Variants in DNMT3B observed in about 807,000 individuals in gnomAD.
DNMT3B encodes the protein DNA methyltransferase 3 beta, also known as DNA (cytosine-5)-methyltransferase 3B.
A neutral mutation model predicts 120.2 loss-of-function variants in DNMT3B; 37 were observed. The observed-to-expected ratio is 0.31, with a 90% CI of 0.24 to 0.40. The LOEUF (loss-of-function observed/expected upper bound fraction) is 0.40, where lower values mean the gene tolerates loss of function less well. Ranked by LOEUF, DNMT3B falls within the 10% of genes least tolerant of loss-of-function variation. The pLI is 1.00. For synonymous variants in DNMT3B, 412 were observed against 442.8 expected, an observed-to-expected ratio of 0.93 and a Z score of 0.87; for missense variants, 878 against 1,137.3, an observed-to-expected ratio of 0.77 and a Z score of 3.28.
chr20:32,780,058 T>C, intron 1 of DNMT3B: 3 of 1,600,808 alleles, frequency 1.9e-6, no homozygotes, highest in Non-Finnish European at 1.7e-6. Context: ...ACCCCAGCCC[T>C]GGCCTCCCCA....
At chr20:32,764,579 T>C (rs1232365655) in intron 1 of DNMT3B, among the ~76,000 whole-genome samples, 1 of 152,200 alleles carries the variant, frequency 6.6e-6, no homozygotes, top group African/African-American at 2.4e-5. Flanking sequence ...GAACCGCCTT[T>C]GTTCCCTTTC....
chr20:32,786,545 A>C lies in DNMT3B; in HGVS notation c.350A>C (p.His117Pro). Residue 117 changes from histidine to proline, a missense_variant, in exon 5 of 23, where the codon CAC (histidine) becomes CCC (proline). Transcript: ENST00000328111. ...NNNSVSSRER[H>P]RPSPRSTRGR... ...AACAGTGTCTCCAGCCGGGAGAGGC[A>C]CAGGCCTTCCCCACGTTCCACCCGA... is the stretch of plus-strand genomic sequence containing the variant. 6.2e-7 allele frequency: 1 copy of C among 1,614,010 alleles called. No homozygotes were observed. The highest frequency in any genetic ancestry group is 8.5e-7 in the Non-Finnish European group (1 of 1,180,046).
At chr20:32,783,971 C>T (rs759828991) in intron 3 of DNMT3B, among the ~76,000 whole-genome samples, 3 of 150,060 alleles carry the variant, frequency 2.0e-5, no homozygotes, top group Admixed American at 6.7e-5. Context: ...AGTGCGGTGG[C>T]GCGATCTCGG....
At chr20:32,780,140 A>G (rs1432962207) in intron 1 of DNMT3B, 178 bp from the exon 2 acceptor site, 1 of 1,613,722 alleles carries the variant, frequency 6.2e-7, no homozygotes, top group East Asian at 2.2e-5. Flanking sequence ...TGAGCCTCCA[A>G]GCTTGGTGAG....
chr20:32,780,447 C>G lies in DNMT3B; in HGVS notation c.124C>G (p.Arg42Gly), dbSNP rs150200553. Residue 42 changes from arginine (R) to glycine (G), a missense_variant, in exon 2 of 23, where the codon CGC (arginine) becomes GGC (glycine). Arg to Gly is a moderately radical substitution (Grantham distance 125, BLOSUM62 -2). Coordinates refer to ENST00000328111, the MANE Select transcript of DNMT3B (RefSeq NM_006892.4). ...SDSPPILEAIRTPEIRGRRSS... is the reference protein window; with the variant it reads ...SDSPPILEAIGTPEIRGRRSS... Reference sequence around the variant, plus strand: ...CTCGCCCCCAATCCTGGAGGCTATCCGCACCCCGGAGATCAGAGGTGGCTG... The same window carrying G: ...CTCGCCCCCAATCCTGGAGGCTATCGGCACCCCGGAGATCAGAGGTGGCTG... 13 of 1,613,090 alleles carry G rather than the reference C, an allele frequency of 8.1e-6. No individual in the cohort carries two copies. Among genetic ancestry groups the G allele is most frequent in the Non-Finnish European group, 1.0e-5 (12 of 1,179,976 alleles).
Position 32,807,829 on chromosome 20 carries a change from C to T in DNMT3B, c.2488C>T (p.Leu830=). 1 of 1,614,240 alleles carries T rather than the reference C, an allele frequency of 6.2e-7. No homozygotes were observed. Among genetic ancestry groups the T allele is most frequent in the East Asian group, 2.2e-5 (1 of 44,878 alleles). Residue 830 remains leucine, a synonymous_variant, in exon 23 of 23, where the codon CTG becomes TTG. Coordinates refer to ENST00000328111, the MANE Select transcript of DNMT3B (RefSeq NM_006892.4). ...NMGRGARQKL[L]GRSWSVPVIR... is the part of the protein sequence containing the mutation. ...GGGCCGTGGTGCCCGCCAGAAGCTG[C>T]TGGGAAGGTCCTGGAGCGTGCCTGT...
intron 1 of DNMT3B, among the ~76,000 whole-genome samples, chr20:32,766,679 C>T (rs992024026): frequency 4.0e-5 from 6 of 151,354 alleles, no homozygotes; most frequent in African/African-American, 1.5e-4. Context: ...CCTCTGCCTC[C>T]CAGGTTCAAG....
chr20:32,791,807 G>T, intron 8 of DNMT3B, 99 bp downstream of exon 8: 1 of 1,362,752 alleles, frequency 7.3e-7, no homozygotes, highest in Non-Finnish European at 1.0e-6. Flanking sequence ...GTGGTTTGGA[G>T]GGGACAGGGT....
rs140309253 is a variant in DNMT3B at position 32,800,163 on chromosome 20, C to T, written c.1770C>T (p.Val590=). 1.2e-6 allele frequency: 2 copies of T among 1,614,218 alleles called. No individual in the cohort carries two copies. Among genetic ancestry groups the T allele is most frequent in the South Asian group, 1.1e-5 (1 of 91,082 alleles). The change falls in exon 17 of 23, where the codon GTC becomes GTT. Residue 590 remains valine, a synonymous_variant. Coordinates refer to ENST00000328111, the MANE Select transcript of DNMT3B (RefSeq NM_006892.4). ...LFDGIATGYL[V]LKELGIKVGK... is the part of the protein sequence containing the mutation. ...CTCTGGCCCCCACAGGCTACCTAGTCCTCAAAGAGTTGGGCATAAAGGTAG... is the reference window on the plus strand; with the variant it reads ...CTCTGGCCCCCACAGGCTACCTAGTTCTCAAAGAGTTGGGCATAAAGGTAG...
intron 1 of DNMT3B, among the ~76,000 whole-genome samples, chr20:32,778,829 T>TG (rs1431739005): frequency 6.6e-6 from 1 of 152,150 alleles, no homozygotes; most frequent in Non-Finnish European, 1.5e-5. Context: ...GGCACACACC[T>TG]GTGGGCCCAG....
intron 20 of DNMT3B, 63 bp from the exon 21 acceptor site, chr20:32,805,275 C>T: frequency 6.2e-7 from 1 of 1,601,634 alleles, no homozygotes; most frequent in East Asian, 2.2e-5. Context: ...CTCACTCCCA[C>T]CTTGTGCCTA....
At position 32,795,429 on chromosome 20, in the gene DNMT3B, A is replaced by C. The variant is rs1980486679; in HGVS notation, c.1147A>C (p.Thr383Pro). ...CACAGAGAACAAGACTCGAAGACGC[A>C]CAGCTGACGACTCAGCCACCTCTGA... ...RKYENKTRRR[T>P]ADDSATSDYC... is the part of the protein sequence containing the mutation. Residue 383 changes from threonine (T) to proline (P), a missense_variant, in exon 11 of 23, where the codon ACA (threonine) becomes CCA (proline). Around this residue, in one of 4 missense-constraint regions of DNMT3B, gnomAD observed 207 missense variants for 222.6 expected, o/e 0.93. Transcript: ENST00000328111. 2.5e-6 allele frequency: 4 copies of C among 1,614,038 alleles called. No homozygotes were observed. Among genetic ancestry groups the C allele is most frequent in the Middle Eastern group, 1.6e-4 (1 of 6,082 alleles).
At chr20:32,801,530 C>CAAT in intron 19 of DNMT3B, 104 bp downstream of exon 19, 1 of 1,484,916 alleles carries the variant, frequency 6.7e-7, no homozygotes, top group Non-Finnish European at 9.3e-7. Flanking sequence ...ATGACTTTCC[C>CAAT]GTTCTTGGTC....
At position 32,793,522 on chromosome 20, in the gene DNMT3B, T is replaced by A; in HGVS notation, c.1067-14T>A. On this transcript the variant is annotated splice_polypyrimidine_tract_variant and intron_variant, in intron 9 of 22. Coordinates refer to ENST00000328111, the MANE Select transcript of DNMT3B (RefSeq NM_006892.4). ...TAATGTTTTTTCTGTTTTGTTTTGT[T>A]TTCCCCTCAAAAGTGGTTAATAAGT... is the stretch of plus-strand genomic sequence containing the variant. 6.2e-7 allele frequency: 1 copy of A among 1,614,004 alleles called. No individual in the cohort carries two copies. Among genetic ancestry groups the A allele is most frequent in the Non-Finnish European group, 8.5e-7 (1 of 1,179,960 alleles).
At chr20:32,800,561 C>T (rs752109848) in intron 17 of DNMT3B, among the ~76,000 whole-genome samples, 11 of 152,114 alleles carry the variant, frequency 7.2e-5, no homozygotes, top group Non-Finnish European at 1.0e-4. Flanking sequence ...CGGGTTTAAG[C>T]GATTCTCTTG....
chr20:32,780,564 C>T lies in DNMT3B; in HGVS notation c.142+99C>T, dbSNP rs992426406. 5 of 1,524,272 alleles carry T rather than the reference C, an allele frequency of 3.3e-6. No individual in the cohort carries two copies. The African/African-American group carries it at 5.5e-5, about 17-fold the overall frequency. The allele number at this position is 1,524,272 out of a possible 1,614,324, so 94.4% of individuals were successfully genotyped here. A position where few individuals can be genotyped will look rare whatever the true frequency, so the allele number is the denominator to read the frequency against. On this transcript the variant is annotated intron_variant, in intron 2 of 22. Transcript: ENST00000328111. ...TTTGGGGAGAGTCTCTGACAACCTC[C>T]ACCACAATTCCCCGGGAGGGAAGAG...
Position 32,781,353 on chromosome 20 carries a change from G to A in DNMT3B, c.143G>A (p.Gly48Asp), listed in dbSNP as rs762185930. 156 of 1,613,982 alleles carry A rather than the reference G, an allele frequency of 9.7e-5. No individual in the cohort carries two copies. The highest frequency in any genetic ancestry group is 1.3e-4 in the Non-Finnish European group (151 of 1,180,036). ...LEAIRTPEIR[G>D]RRSSSRLSKR... is the part of the protein sequence containing the mutation. ...AGACTCCTGGCTGTTTCCTCTACAG[G>A]CCGAAGATCAAGCTCGCGACTCTCC... Residue 48 changes from glycine to aspartate, a missense_variant and splice_region_variant, in exon 3 of 23, where the codon GGC becomes GAC. By Grantham distance (94) the Gly-to-Asp change is moderately conservative. Transcript: ENST00000328111.
intron 21 of DNMT3B, among the ~76,000 whole-genome samples, 197 bp downstream of exon 21, chr20:32,805,604 C>T (rs375440957): frequency 3.0e-4 from 45 of 152,062 alleles, no homozygotes; most frequent in African/African-American, 9.9e-4. Context: ...TAAGTAATCA[C>T]GACGAGAAAA....
intron 14 of DNMT3B, 115 bp from the exon 15 acceptor site, chr20:32,798,345 C>A: frequency 7.3e-7 from 1 of 1,371,578 alleles, no homozygotes; most frequent in Non-Finnish European, 1.0e-6. Flanking sequence ...GTTAAGCAGC[C>A]GATCCTAGGT....
Sources: allele counts gnomAD v4.1 joint callset (sites outside exome capture counted in the v4.1 genomes callset), GRCh38; gene constraint gnomAD v4.1.1; regional missense constraint gnomAD v4.1.1; transcripts MANE v1.5; gene names NCBI Gene and HGNC (gene_info 2026-07-23, HGNC 2026-07-21).